The following KDM2A variants were observed in gnomAD, a reference collection of about 807,000 sequenced individuals.
KDM2A encodes lysine demethylase 2A.
In KDM2A, 3 loss-of-function variants were observed where a neutral mutation model predicts 137.3. The observed-to-expected ratio is 0.02, with a 90% CI of 0.01 to 0.06. The LOEUF is 0.06. KDM2A is among the 10% of genes least tolerant of loss of function. The probability of loss-of-function intolerance (pLI) is 1.00; values close to 1 mark genes in which losing one functional copy is unlikely to be tolerated. For missense variants in KDM2A, 738 were observed against 1,510.6 expected (o/e 0.49, Z 8.48); for synonymous variants, 512 against 541.5 (o/e 0.95, Z 0.76).
chr11:67,181,965 T>C, intron 5 of KDM2A, 73 bp downstream of exon 5: 1 of 1,282,514 alleles, frequency 7.8e-7, no homozygotes, highest in Non-Finnish European at 1.1e-6. Context: ...AATCTCTGAC[T>C]GAGATTTAAG....
intron 2 of KDM2A, among the ~76,000 whole-genome samples, chr11:67,130,821 C>T (rs958985107): frequency 5.3e-5 from 8 of 151,300 alleles, no homozygotes; most frequent in African/African-American, 1.9e-4. Context: ...ATTTAATTCT[C>T]AAAACAACCC....
At chr11:67,208,460 C>A (rs555966030) in intron 6 of KDM2A, among the ~76,000 whole-genome samples, 4 of 151,582 alleles carry the variant, frequency 2.6e-5, no homozygotes, top group Admixed American at 2.6e-4. Flanking sequence ...TTGGATGTAA[C>A]GGAGAGGAAT....
intron 2 of KDM2A, among the ~76,000 whole-genome samples, chr11:67,128,074 G>A (rs1244117284): frequency 6.7e-6 from 1 of 148,402 alleles, no homozygotes; most frequent in Non-Finnish European, 1.5e-5. Flanking sequence ...GAGTGCAATG[G>A]CACTACCACT....
At chr11:67,235,267 G>A (rs1858835768) in intron 12 of KDM2A, among the ~76,000 whole-genome samples, 2 of 151,258 alleles carry the variant, frequency 1.3e-5, no homozygotes, top group African/African-American at 2.4e-5. Flanking sequence ...TCTTGAAAGT[G>A]TACATAGGTA....
chr11:67,242,809 G>A (rs1163577155), intron 12 of KDM2A, among the ~76,000 whole-genome samples, 200 bp from the exon 13 acceptor site: 1 of 152,142 alleles, frequency 6.6e-6, no homozygotes, highest in Non-Finnish European at 1.5e-5. Context: ...TATTGCAGCA[G>A]CCTAAGTTTG....
intron 15 of KDM2A, among the ~76,000 whole-genome samples, chr11:67,246,566 A>T (rs1433211049): frequency 6.6e-6 from 1 of 152,032 alleles, no homozygotes; most frequent in African/African-American, 2.4e-5. Context: ...GCAGAGCTAA[A>T]TAGCTTTAAA....
chr11:67,201,086 G>C lies in KDM2A; in HGVS notation c.308-6424G>C, dbSNP rs576911924. 8.6e-5 allele frequency among the ~76,000 whole-genome samples: 13 copies of C among 151,670 alleles called. No individual in the cohort carries two copies. The East Asian group carries it at 2.5e-3, about 29-fold the overall frequency. ...GCGGGCGCTTGTAGTCCCAGCTACT[G>C]GGGAGGCTGAGGCAGGAGAATGGCG... On this transcript the variant is annotated intron_variant, in intron 5 of 20. Coordinates refer to ENST00000529006, the MANE Select transcript of KDM2A (RefSeq NM_012308.3).
Position 67,254,925 on chromosome 11 carries a change from A to C in KDM2A, c.3359A>C (p.Asn1120Thr), listed in dbSNP as rs191069592. ...CTGATCTACCTACGGCGCATTGCCAACGTCACCTTGATCGACCTTCGAGGA... is the reference window on the plus strand; with the variant it reads ...CTGATCTACCTACGGCGCATTGCCACCGTCACCTTGATCGACCTTCGAGGA... ...QTLIYLRRIA[N>T]VTLIDLRGCK... The change falls in exon 21 of 21, where the codon AAC (asparagine) becomes ACC (threonine). Residue 1120 changes from asparagine to threonine, a missense_variant. Coordinates refer to ENST00000529006, the MANE Select transcript of KDM2A (RefSeq NM_012308.3). The surrounding 1 kb of genome is among the most constrained non-coding windows in gnomAD (Gnocchi z 4.7). 3.1e-6 allele frequency: 5 copies of C among 1,613,918 alleles called. No individual in the cohort carries two copies. The African/African-American group carries it at 6.7e-5, about 22-fold the overall frequency.
intron 12 of KDM2A, among the ~76,000 whole-genome samples, chr11:67,242,154 T>C (rs1859063009): frequency 6.6e-6 from 1 of 152,224 alleles, no homozygotes; most frequent in Admixed American, 6.5e-5. Flanking sequence ...ATTTTCTCAC[T>C]GTAGCATTGT....
intron 2 of KDM2A, among the ~76,000 whole-genome samples, chr11:67,160,578 C>T (rs918327318): frequency 1.3e-5 from 2 of 152,086 alleles, no homozygotes; most frequent in Non-Finnish European, 2.9e-5. Context: ...TTGAGACCAG[C>T]CCGGCCAACA....
At chr11:67,242,277 T>C (rs111898492) in intron 12 of KDM2A, among the ~76,000 whole-genome samples, 16 of 36,850 alleles carry the variant, frequency 4.3e-4, no homozygotes, top group African/African-American at 1.4e-3. Context: ...TGGGTGTGTG[T>C]ATGTGTGTGT....
chr11:67,229,161 GAGAT>G (rs1026019692), intron 11 of KDM2A, among the ~76,000 whole-genome samples: 1 of 152,192 alleles, frequency 6.6e-6, no homozygotes, highest in Non-Finnish European at 1.5e-5. Flanking sequence ...TATTACCTGA[GAGAT>G]AGGTATTATT....
At chr11:67,187,735 G>A (rs187468336) in intron 5 of KDM2A, among the ~76,000 whole-genome samples, 188 of 152,118 alleles carry the variant, frequency 1.2e-3, no homozygotes, top group African/African-American at 4.2e-3. Flanking sequence ...CACCACGCCC[G>A]GCTAAATTTT....
rs1590714196 is a variant in KDM2A, at chr11:67,139,361, G to T, written c.42+18003G>T. 2.6e-5 allele frequency among the ~76,000 whole-genome samples: 4 copies of T among 151,588 alleles called. No individual in the cohort carries two copies. In the East Asian group the frequency reaches 5.8e-4, roughly 22 times the overall value. On this transcript the variant is annotated intron_variant, in intron 2 of 20. Coordinates refer to ENST00000529006, the MANE Select transcript of KDM2A (RefSeq NM_012308.3). ...CCAGGTTCAAATGATTCTCCTGCCT[G>T]AGCCTCCCAAGTAGCTGGGATTACA...
At chr11:67,179,417 G>C (rs1002631060) in intron 2 of KDM2A, among the ~76,000 whole-genome samples, 1 of 152,132 alleles carries the variant, frequency 6.6e-6, no homozygotes, top group Non-Finnish European at 1.5e-5. Context: ...GGGATTACAG[G>C]CATGTGCCAC....
chr11:67,138,334 A>G (rs914514127), intron 2 of KDM2A, among the ~76,000 whole-genome samples: 3 of 152,242 alleles, frequency 2.0e-5, no homozygotes, highest in Admixed American at 1.3e-4. Context: ...GTGAATTTCA[A>G]CAATGAAAAG....
At chr11:67,168,669 G>A (rs1052956936) in intron 2 of KDM2A, among the ~76,000 whole-genome samples, 20 of 136,354 alleles carry the variant, frequency 1.5e-4, no homozygotes, top group African/African-American at 4.8e-4. Context: ...ACACACGGTC[G>A]GGGGGATAGA....
At chr11:67,163,999 C>T (rs1336224934) in intron 2 of KDM2A, among the ~76,000 whole-genome samples, 2 of 152,134 alleles carry the variant, frequency 1.3e-5, no homozygotes, top group Non-Finnish European at 2.9e-5. Context: ...AGAGGCTGAA[C>T]CAGGATTTGA....
chr11:67,137,659 GA>G (rs1233501331), intron 2 of KDM2A, among the ~76,000 whole-genome samples: 1 of 152,142 alleles, frequency 6.6e-6, no homozygotes, highest in African/African-American at 2.4e-5. Context: ...CAGGTTTGGG[GA>G]CTGAGCAAAG....
Sources: gnomAD v4.1 joint callset for allele counts (sites outside exome capture counted in the v4.1 genomes callset) on GRCh38, gnomAD v4.1.1 for gene constraint, Gnocchi (gnomAD v3.1) non-coding constraint, MANE v1.5 for transcripts, NCBI Gene and HGNC (gene_info 2026-07-23, HGNC 2026-07-21) for gene names.